Variants in SGCD observed in about 807,000 individuals in gnomAD.
SGCD encodes delta-sarcoglycan.
A neutral mutation model predicts 36.6 loss-of-function variants in SGCD; 18 were observed. The observed-to-expected ratio is 0.49, with a 90% CI of 0.34 to 0.73. The LOEUF (loss-of-function observed/expected upper bound fraction) is 0.73, where lower values mean the gene tolerates loss of function less well. Among genes scored for constraint, SGCD ranks in the 30% least tolerant of loss-of-function variants. The pLI is 0.01. For missense variants in SGCD, 387 were observed against 346.7 expected (o/e 1.12, Z -0.92); for synonymous variants, 133 against 130.6 (o/e 1.02, Z -0.12).
intron 1 of SGCD, among the ~76,000 whole-genome samples, chr5:155,942,154 ACATGAACTAT>A (rs1383486857): frequency 6.6e-6 from 1 of 152,208 alleles, no homozygotes; most frequent in Admixed American, 6.5e-5. Context: ...ACATGAACAG[ACATGAACTAT>A]GTGAAGATAA....
At chr5:156,116,010 T>C (rs1761896736) in intron 1 of SGCD, among the ~76,000 whole-genome samples, 1 of 152,172 alleles carries the variant, frequency 6.6e-6, no homozygotes, top group South Asian at 2.1e-4. Context: ...TGATAATTAT[T>C]GCCTAGATCT....
chr5:156,540,748 G>C lies in SGCD; in HGVS notation c.294+32046G>C, dbSNP rs569907893. ...GATAGAAGCAGTAATGCAGAAGTGT[G>C]CTTTTTACCCAATTGCCTTGCCATC... On this transcript the variant is annotated intron_variant, in intron 4 of 8. Transcript: ENST00000337851. 4.6e-5 allele frequency among the ~76,000 whole-genome samples: 7 copies of C among 152,278 alleles called. No homozygotes were observed. In the South Asian group the frequency reaches 1.5e-3, roughly 32 times the overall value.
At chr5:156,230,683 T>C (rs1225371690) in intron 3 of SGCD, among the ~76,000 whole-genome samples, 4 of 152,174 alleles carry the variant, frequency 2.6e-5, no homozygotes, top group East Asian at 1.9e-4. Context: ...AAATTCTCGA[T>C]GCGAACCTCC....
chr5:156,536,607 G>GTTTT (rs1201804997), intron 4 of SGCD, among the ~76,000 whole-genome samples: 1 of 151,954 alleles, frequency 6.6e-6, no homozygotes, highest in Non-Finnish European at 1.5e-5. Flanking sequence ...TTGTTTGTTT[G>GTTTT]TTTGTTTGTT....
At chr5:156,144,057 G>A (rs543426648) in intron 3 of SGCD, among the ~76,000 whole-genome samples, 52 of 151,868 alleles carry the variant, frequency 3.4e-4, no homozygotes, top group Non-Finnish European at 6.5e-4. Flanking sequence ...TCCCTACAAA[G>A]GACATGAACT....
chr5:156,675,124 G>T (rs1417847440), intron 7 of SGCD, among the ~76,000 whole-genome samples: 2 of 152,128 alleles, frequency 1.3e-5, no homozygotes, highest in African/African-American at 4.8e-5. Flanking sequence ...TCCTGCCTTT[G>T]TCACCTCCCA....
intron 6 of SGCD, among the ~76,000 whole-genome samples, chr5:156,612,183 G>T (rs1761844285): frequency 6.6e-6 from 1 of 152,116 alleles, no homozygotes; most frequent in South Asian, 2.1e-4. Flanking sequence ...GCATCTAGTG[G>T]AATAGTCATC....
chr5:155,902,323 G>A (rs897117798), intron 1 of SGCD, among the ~76,000 whole-genome samples: 1 of 152,138 alleles, frequency 6.6e-6, no homozygotes, highest in Non-Finnish European at 1.5e-5. Context: ...GTCACTTACT[G>A]TGCACTAAAC....
the SGCD span, among the ~76,000 whole-genome samples, chr5:155,783,098 A>C: frequency 6.6e-6 from 1 of 152,170 alleles, no homozygotes; most frequent in East Asian, 1.9e-4. Context: ...GCCATGTGAA[A>C]ATTGGGAAAT....
chr5:156,232,561 G>A lies in SGCD; in HGVS notation c.-43-96973G>A, dbSNP rs189913491. ...CCTGAGAAACTAATGGTAATAACCT[G>A]TGTTTCTTTTACTTATATGGGCTGC... On this transcript the variant is annotated intron_variant, in intron 3 of 9. Transcript: ENST00000517913. Among the ~76,000 whole-genome samples the A allele has an allele frequency of 5.3e-5, 8 of 152,254 alleles. No homozygotes were observed. The East Asian group carries it at 1.2e-3, about 22-fold the overall frequency.
chr5:156,129,503 T>C (rs1459702896), intron 3 of SGCD, among the ~76,000 whole-genome samples: 1 of 152,212 alleles, frequency 6.6e-6, no homozygotes, highest in African/African-American at 2.4e-5. Context: ...ACTTTTATTT[T>C]AGGTTCAAGG....
chr5:156,021,818 C>T (rs1003221889), intron 1 of SGCD, among the ~76,000 whole-genome samples: 1 of 152,050 alleles, frequency 6.6e-6, no homozygotes, highest in African/African-American at 2.4e-5. Context: ...AAGAGTGATT[C>T]GAGGAGCAGC....
intron 3 of SGCD, among the ~76,000 whole-genome samples, chr5:156,214,987 A>G (rs1764537283): frequency 6.6e-6 from 1 of 152,082 alleles, no homozygotes. Flanking sequence ...CTAAAACTGT[A>G]AAACTACTAC....
At chr5:156,142,482 A>G (rs879625496) in intron 3 of SGCD, among the ~76,000 whole-genome samples, 1 of 152,206 alleles carries the variant, frequency 6.6e-6, no homozygotes, top group Non-Finnish European at 1.5e-5. Context: ...CAGGAAGATG[A>G]GGGAATATTT....
At chr5:155,889,027 C>T (rs958021056) in intron 1 of SGCD, among the ~76,000 whole-genome samples, 5 of 152,186 alleles carry the variant, frequency 3.3e-5, no homozygotes, top group African/African-American at 9.7e-5. Flanking sequence ...ACGCTCATAA[C>T]ACTGTATTTA....
At chr5:156,430,295 C>T (rs561318644) in intron 3 of SGCD, among the ~76,000 whole-genome samples, 1 of 152,042 alleles carries the variant, frequency 6.6e-6, no homozygotes, top group Non-Finnish European at 1.5e-5. Flanking sequence ...CTTGTTCTAG[C>T]CTACTGTTGA....
At chr5:155,752,793 C>T in the SGCD span, among the ~76,000 whole-genome samples, 1 of 152,182 alleles carries the variant, frequency 6.6e-6, no homozygotes, top group African/African-American at 2.4e-5. Context: ...TTTTGAATGT[C>T]AGGAACCCCT....
At chr5:156,032,079 C>T (rs1041523104) in intron 1 of SGCD, among the ~76,000 whole-genome samples, 3 of 151,990 alleles carry the variant, frequency 2.0e-5, no homozygotes, top group Non-Finnish European at 4.4e-5. Flanking sequence ...TCCTTCTAGG[C>T]CTGCATATGA....
chr5:155,969,417 A>G (rs934622025), intron 1 of SGCD, among the ~76,000 whole-genome samples: 2 of 152,160 alleles, frequency 1.3e-5, no homozygotes, highest in Non-Finnish European at 2.9e-5. Flanking sequence ...TTAAGATGTG[A>G]GAGAACTGCA....
Sources: gnomAD v4.1 joint callset for allele counts (sites outside exome capture counted in the v4.1 genomes callset) on GRCh38, gnomAD v4.1.1 for gene constraint, MANE v1.5 for transcripts, NCBI Gene and HGNC (gene_info 2026-07-23, HGNC 2026-07-21) for gene names.